PEX5L: variants seen among roughly 807,000 people sequenced by gnomAD.
PEX5L encodes the protein peroxisomal biogenesis factor 5 like, also known as PEX5-related protein.
In PEX5L, 30 loss-of-function variants were observed where a neutral mutation model predicts 84.0. The observed-to-expected ratio is 0.36, with a 90% confidence interval of 0.27 to 0.48. The LOEUF is 0.48. Ranked by LOEUF, PEX5L falls within the 20% of genes least tolerant of loss-of-function variation. The pLI, the probability that PEX5L is intolerant of heterozygous loss-of-function variation, is 0.99. For synonymous variants in PEX5L, 270 were observed against 283.1 expected, an observed-to-expected ratio of 0.95 and a Z score of 0.46; for missense variants, 533 against 754.6, an observed-to-expected ratio of 0.71 and a Z score of 3.44.
chr3:180,005,795 C>A (rs949149624), intron 1 of PEX5L, among the ~76,000 whole-genome samples: 7 of 152,170 alleles, frequency 4.6e-5, no homozygotes, highest in Admixed American at 2.6e-4. Flanking sequence ...GTCTCAAACT[C>A]CTGGTCTCAA....
intron 2 of PEX5L, among the ~76,000 whole-genome samples, chr3:179,970,917 A>G (rs544606437): frequency 4.6e-5 from 7 of 152,176 alleles, no homozygotes; most frequent in Non-Finnish European, 8.8e-5. Flanking sequence ...GATAATTAAC[A>G]GAGATGTTAA....
chr3:179,859,201 T>C (rs756252794), intron 7 of PEX5L, 44 bp from the exon 8 acceptor site: 1 of 1,379,670 alleles, frequency 7.2e-7, no homozygotes, highest in Non-Finnish European at 1.0e-6. Flanking sequence ...TAGAATCACA[T>C]GTTATTATAG....
intron 1 of PEX5L, among the ~76,000 whole-genome samples, chr3:179,975,977 C>T (rs2110301239): frequency 6.6e-6 from 1 of 152,294 alleles, no homozygotes; most frequent in South Asian, 2.1e-4. Flanking sequence ...ATGTAGGTGT[C>T]TGTATCTAAG....
intron 3 of PEX5L, among the ~76,000 whole-genome samples, chr3:179,890,426 AAACTC>A (rs1757258103): frequency 6.6e-6 from 1 of 152,254 alleles, no homozygotes; most frequent in African/African-American, 2.4e-5. Context: ...CGCAAAGACT[AAACTC>A]AACCAATACA....
intron 1 of PEX5L, among the ~76,000 whole-genome samples, chr3:179,976,735 G>T (rs987472671): frequency 2.6e-5 from 4 of 152,182 alleles, no homozygotes; most frequent in African/African-American, 7.2e-5. Flanking sequence ...ACTGCATCCA[G>T]CCAGGAAATC....
intron 3 of PEX5L, among the ~76,000 whole-genome samples, chr3:179,892,719 C>T (rs1309720719): frequency 6.6e-6 from 1 of 152,096 alleles, no homozygotes; most frequent in Non-Finnish European, 1.5e-5. Context: ...TGGAGACCTA[C>T]TGATACCTAA....
At chr3:179,995,950 T>G (rs1787853460) in intron 1 of PEX5L, among the ~76,000 whole-genome samples, 1 of 152,174 alleles carries the variant, frequency 6.6e-6, no homozygotes, top group Admixed American at 6.5e-5. Context: ...CTGATGAACC[T>G]TTTTTGCCAG....
intron 2 of PEX5L, among the ~76,000 whole-genome samples, chr3:179,923,917 G>GA (rs1466766919): frequency 1.3e-5 from 2 of 152,108 alleles, no homozygotes; most frequent in Non-Finnish European, 2.9e-5. Flanking sequence ...TTACTTGCAG[G>GA]AAAAAATGGA....
At chr3:179,977,841 T>G (rs1197567785) in intron 1 of PEX5L, among the ~76,000 whole-genome samples, 1 of 152,220 alleles carries the variant, frequency 6.6e-6, no homozygotes, top group Non-Finnish European at 1.5e-5. Context: ...AATTTTTGTC[T>G]TGTCTTTTTA....
At chr3:179,835,611 G>T (rs1490177027) in intron 8 of PEX5L, among the ~76,000 whole-genome samples, 3 of 152,116 alleles carry the variant, frequency 2.0e-5, no homozygotes, top group Non-Finnish European at 2.9e-5. Context: ...TGAATTGAAG[G>T]TCATAGTTGC....
At chr3:180,009,075 C>T (rs1039480574) in intron 1 of PEX5L, among the ~76,000 whole-genome samples, 11 of 152,086 alleles carry the variant, frequency 7.2e-5, no homozygotes, top group Non-Finnish European at 5.9e-5. Flanking sequence ...TGGTTAAAGG[C>T]CAGTTTTAAA....
chr3:179,860,878 C>T (rs947427190), intron 7 of PEX5L, among the ~76,000 whole-genome samples: 32 of 152,184 alleles, frequency 2.1e-4, no homozygotes, highest in African/African-American at 7.2e-4. Flanking sequence ...AGGCCATGCT[C>T]ATAACCACTG....
chr3:179,980,486 T>G (rs142992281), intron 1 of PEX5L, among the ~76,000 whole-genome samples: 2 of 152,288 alleles, frequency 1.3e-5, no homozygotes, highest in East Asian at 3.9e-4. Flanking sequence ...ACAATTCTTG[T>G]CATTTCTCGA....
chr3:179,838,199 G>A (rs1287578906), intron 8 of PEX5L, among the ~76,000 whole-genome samples: 2 of 151,960 alleles, frequency 1.3e-5, no homozygotes, highest in African/African-American at 4.8e-5. Context: ...TACTAATAAC[G>A]TTTTTTTCCA....
intron 1 of PEX5L, among the ~76,000 whole-genome samples, chr3:180,031,089 G>T (rs1791415932): frequency 9.1e-6 from 1 of 109,482 alleles, no homozygotes; most frequent in African/African-American, 5.8e-5. Flanking sequence ...TTATCTAATG[G>T]ATATTTATAC....
chr3:179,996,385 G>A (rs1446156000), intron 1 of PEX5L, among the ~76,000 whole-genome samples: 4 of 152,178 alleles, frequency 2.6e-5, no homozygotes, highest in African/African-American at 9.7e-5. Context: ...TGCATTTAAT[G>A]TTGCAGCTTA....
chr3:179,804,180 T>C (rs1360024299), intron 14 of PEX5L: 1 of 152,152 alleles, frequency 6.6e-6, no homozygotes, highest in African/African-American at 2.4e-5. Context: ...CCAGTTTTTA[T>C]TGTCCCCCCA....
intron 1 of PEX5L, among the ~76,000 whole-genome samples, chr3:179,983,399 G>A (rs1182988751): frequency 6.6e-6 from 1 of 151,958 alleles, no homozygotes; most frequent in Non-Finnish European, 1.5e-5. Flanking sequence ...TAGCACATAA[G>A]TATTGTCTGC....
chr3:179,808,527 G>T, intron 12 of PEX5L, 90 bp from the exon 13 acceptor site: 1 of 1,044,104 alleles, frequency 9.6e-7, no homozygotes, highest in South Asian at 2.4e-5. Context: ...ATTTCAAGAA[G>T]TCTCTTCGTT....
Sources: allele counts gnomAD v4.1 joint callset (sites outside exome capture counted in the v4.1 genomes callset), GRCh38; gene constraint gnomAD v4.1.1; transcripts MANE v1.5; gene names NCBI Gene and HGNC (gene_info 2026-07-23, HGNC 2026-07-21).